The following GAN variants were observed in gnomAD, a reference collection of about 807,000 sequenced individuals.
GAN encodes the protein epididymis secretory sperm binding protein.
Under a neutral mutation model 71.3 loss-of-function variants are expected in GAN, and 48 were observed. The observed-to-expected ratio is 0.67, with a 90% confidence interval of 0.53 to 0.86. GAN has a LOEUF of 0.86. Among genes scored for constraint, GAN ranks in the 40% least tolerant of loss-of-function variants. GAN has a pLI of 0.00. For synonymous variants in GAN, 386 were observed against 276.8 expected (o/e 1.39, Z -3.92); for missense variants, 928 against 770.1 (o/e 1.21, Z -2.43).
chr16:81,321,249 T>A (rs1462190620), intron 1 of GAN, among the ~76,000 whole-genome samples: 1 of 152,214 alleles, frequency 6.6e-6, no homozygotes, highest in Non-Finnish European at 1.5e-5. Context: ...TAGAGGGAAG[T>A]GTGGGGTGTT....
intron 1 of GAN, among the ~76,000 whole-genome samples, chr16:81,337,948 A>G (rs1402693731): frequency 6.6e-6 from 1 of 152,214 alleles, no homozygotes; most frequent in Non-Finnish European, 1.5e-5. Context: ...TCACTAGGGT[A>G]GGTCTCAGGG....
rs144007114 is a variant in GAN at position 81,351,652 on chromosome 16, G to T, written c.237G>T (p.Ser79=). ...ATAAGATTGAACTTGAAGGGATATC[G>T]GTAATGGTTATGAGAGAGATCCTGG... ...STYKIELEGI[S]VMVMREILDY... is the part of the protein sequence containing the mutation. The change falls in exon 2 of 11, where the codon TCG becomes TCT. Residue 79 remains serine (S), a synonymous_variant. Coordinates refer to ENST00000648994, the MANE Select transcript of GAN (RefSeq NM_022041.4). 3 of 1,562,896 alleles carry T rather than the reference G, an allele frequency of 1.9e-6. No individual in the cohort carries two copies.
intron 5 of GAN, among the ~76,000 whole-genome samples, chr16:81,358,735 A>C (rs777428747): frequency 6.6e-6 from 1 of 152,210 alleles, no homozygotes; most frequent in Non-Finnish European, 1.5e-5. Flanking sequence ...AAACTGCTCT[A>C]CTTTATCCAA....
chr16:81,359,235 C>G (rs79382352), intron 5 of GAN, among the ~76,000 whole-genome samples: 4,461 of 152,176 alleles, frequency 0.029, 113 homozygotes, highest in Non-Finnish European at 0.046. Flanking sequence ...TCCTAATTTT[C>G]ACACATACAC....
intron 1 of GAN, among the ~76,000 whole-genome samples, chr16:81,334,031 CAT>C (rs1256439671): frequency 2.6e-5 from 4 of 152,242 alleles, no homozygotes; most frequent in Non-Finnish European, 4.4e-5. Context: ...TTTCAGAAAA[CAT>C]AACCTTCTTT....
At chr16:81,367,907 A>G (rs1296261479) in intron 9 of GAN, among the ~76,000 whole-genome samples, 5 of 152,210 alleles carry the variant, frequency 3.3e-5, no homozygotes, top group Admixed American at 6.5e-5. Context: ...TCCTATAACT[A>G]TCGATAGAAC....
chr16:81,332,734 G>A (rs1909625215), intron 1 of GAN, among the ~76,000 whole-genome samples: 1 of 152,168 alleles, frequency 6.6e-6, no homozygotes, highest in Non-Finnish European at 1.5e-5. Context: ...CAGCTCTTCT[G>A]GTGAGTACTA....
chr16:81,384,300 T>TAAAAA lies in GAN; in HGVS notation c.*6716_*6720dup, dbSNP rs59504477. The TAAAAA allele has an allele frequency of 4.0e-5, 5 of 123,674 alleles. No homozygotes were observed. The highest frequency in any genetic ancestry group is 3.5e-5 in the Non-Finnish European group (2 of 56,964). The allele number at this position is 123,674 out of a possible 1,614,324, so 7.7% of individuals were successfully genotyped here. ...AAGGCCTGTTTTCCATTTTACTACT[T>TAAAAA]AAAAAAAAAAAAAAAAGAAAAGAAA... On this transcript the variant is annotated 3_prime_UTR_variant, in exon 11 of 11. Transcript: ENST00000648994.
intron 1 of GAN, among the ~76,000 whole-genome samples, chr16:81,349,077 T>C (rs887471961): frequency 1.1e-4 from 17 of 152,144 alleles, no homozygotes; most frequent in Non-Finnish European, 1.9e-4. Context: ...AGGGAGAGTC[T>C]TATTGAGCTC....
intron 1 of GAN, among the ~76,000 whole-genome samples, chr16:81,345,938 A>G (rs1910103989): frequency 6.6e-6 from 1 of 152,192 alleles, no homozygotes; most frequent in African/African-American, 2.4e-5. Flanking sequence ...GATCCTTCAC[A>G]TGCCCAGTTC....
intron 1 of GAN, among the ~76,000 whole-genome samples, chr16:81,335,145 A>G (rs966472357): frequency 3.3e-4 from 22 of 67,532 alleles, no homozygotes; most frequent in Middle Eastern, 0.013. Flanking sequence ...CTGTGTGACT[A>G]TGGGGTGGGG....
At chr16:81,331,958 T>G (rs1597391908) in intron 1 of GAN, among the ~76,000 whole-genome samples, 1 of 150,112 alleles carries the variant, frequency 6.7e-6, no homozygotes. Flanking sequence ...AGGTCGGGAG[T>G]TTGAGACCAG....
At chr16:81,375,326 T>C (rs1389429721) in intron 9 of GAN, among the ~76,000 whole-genome samples, 1 of 146,684 alleles carries the variant, frequency 6.8e-6, no homozygotes, top group Non-Finnish European at 1.5e-5. Context: ...CCTTTTTTTT[T>C]TTTTTAATTT....
In GAN at chr16:81,378,836, C is replaced by A. The variant is rs1904291456; in HGVS notation, c.*1240C>A. ...ATTCTCACCTCAACCCACTTTACCC[C>A]ACTTCTCATTGGGGGAAAAATGTCT... On this transcript the variant is annotated 3_prime_UTR_variant, in exon 11 of 11. Coordinates refer to ENST00000648994, the MANE Select transcript of GAN (RefSeq NM_022041.4). 6.6e-6 allele frequency: 1 copy of A among 152,582 alleles called. No individual in the cohort carries two copies. Among genetic ancestry groups the A allele is most frequent in the Admixed American group, 6.5e-5 (1 of 15,268 alleles). The allele number at this position is 152,582 out of a possible 1,614,324, so 9.5% of individuals were successfully genotyped here. A position where few individuals can be genotyped will look rare whatever the true frequency, so the allele number is the denominator to read the frequency against.
At chr16:81,315,562 T>C (rs1279744409) in intron 1 of GAN, among the ~76,000 whole-genome samples, 3 of 152,070 alleles carry the variant, frequency 2.0e-5, no homozygotes, top group African/African-American at 7.2e-5. Context: ...GCCTTGTCCC[T>C]CCCGGTTCCC....
intron 1 of GAN, among the ~76,000 whole-genome samples, chr16:81,336,147 T>G (rs923558527): frequency 1.3e-5 from 2 of 152,186 alleles, no homozygotes; most frequent in African/African-American, 4.8e-5. Flanking sequence ...CTCATGGAGC[T>G]GTATGGAGGG....
At chr16:81,376,465 ATGTGTGTGTGTGTGTGTGTGTGTG>A (rs56782049) in intron 9 of GAN, among the ~76,000 whole-genome samples, 1 of 127,166 alleles carries the variant, frequency 7.9e-6, no homozygotes, top group African/African-American at 3.0e-5. Flanking sequence ...ATACATACAT[ATGTGTGTGTGTGTGTGTGTGTGTG>A]TGTGTGTGTG....
chr16:81,334,320 T>C (rs1909683301), intron 1 of GAN, among the ~76,000 whole-genome samples: 1 of 152,216 alleles, frequency 6.6e-6, no homozygotes, highest in Admixed American at 6.5e-5. Context: ...GAGTTGCTTC[T>C]GCACCTCCAT....
chr16:81,326,477 G>T (rs11646152), intron 1 of GAN, among the ~76,000 whole-genome samples: 1 of 152,236 alleles, frequency 6.6e-6, no homozygotes, highest in East Asian at 1.9e-4. Flanking sequence ...AGGTTGCGAG[G>T]AGACGAGATC....
Sources: gnomAD v4.1 joint callset for allele counts (sites outside exome capture counted in the v4.1 genomes callset) on GRCh38, gnomAD v4.1.1 for gene constraint, MANE v1.5 for transcripts, NCBI Gene and HGNC (gene_info 2026-07-23, HGNC 2026-07-21) for gene names.